EIF4E: variants seen among roughly 807,000 people sequenced by gnomAD.
EIF4E encodes the protein eIF-4F 25 kDa subunit.
For synonymous variants in EIF4E, 71 were observed against 88.5 expected (o/e 0.80, Z 1.11); for missense variants, 113 against 265.6 (o/e 0.43, Z 3.99).
At chr4:98,928,917 G>A in intron 1 of EIF4E, 178 bp downstream of exon 1, 1 of 1,568,110 alleles carries the variant, frequency 6.4e-7, no homozygotes, top group Non-Finnish European at 8.6e-7. Flanking sequence ...GCTACACGCC[G>A]CCTCGGCCAT....
Position 98,891,332 on chromosome 4 carries a change from T to A in EIF4E, c.126A>T (p.Arg42Ser), listed in dbSNP as rs775511040. Residue 42 changes from arginine to serine, a missense_variant and splice_region_variant, in exon 3 of 7, where the codon AGA (arginine) becomes AGT (serine). Transcript: ENST00000450253. Reference protein sequence around the residue: ...EHYIKHPLQNRWALWFFKNDK... With the variant: ...EHYIKHPLQNSWALWFFKNDK... ...CATTTTTAAAAAACCAGAGTGCCCA[T>A]CTAAAAATAAAAAATCAGTGTCAAA... 17 of 1,611,204 alleles carry A rather than the reference T, an allele frequency of 1.1e-5. No individual in the cohort carries two copies. Among genetic ancestry groups the A allele is most frequent in the African/African-American group, 4.0e-5 (3 of 74,824 alleles).
intron 2 of EIF4E, among the ~76,000 whole-genome samples, chr4:98,894,315 A>G (rs769260382): frequency 6.6e-6 from 1 of 152,246 alleles, no homozygotes; most frequent in Non-Finnish European, 1.5e-5. Flanking sequence ...CTTTGAAGCT[A>G]GGCAATGACT....
At chr4:98,928,904 T>C in intron 1 of EIF4E, 191 bp downstream of exon 1, 1 of 1,560,074 alleles carries the variant, frequency 6.4e-7, no homozygotes, top group East Asian at 2.4e-5. Flanking sequence ...CCAGAAAGTG[T>C]GCGCTACACG....
In EIF4E at chr4:98,891,010, A is replaced by G. The variant is rs1436560049; in HGVS notation, c.221+227T>C. 3 of 583,398 alleles carry G rather than the reference A, an allele frequency of 5.1e-6. No individual in the cohort carries two copies. The East Asian group carries it at 9.0e-5, about 18-fold the overall frequency. The allele number at this position is 583,398 out of a possible 1,614,324, so 36.1% of individuals were successfully genotyped here. ...GCAATAATGGATTCTTGAGCTAAGG[A>G]TATCTCAGGACAAGAAACAATAATT... On this transcript the variant is annotated intron_variant, in intron 3 of 6. Transcript: ENST00000450253.
At chr4:98,892,655 C>A in intron 2 of EIF4E, among the ~76,000 whole-genome samples, 3 of 140,132 alleles carry the variant, frequency 2.1e-5, no homozygotes, top group East Asian at 2.1e-4. Flanking sequence ...GCACTCCAGC[C>A]AGGGCAACAG....
chr4:98,917,083 A>AACAC (rs751653561), intron 1 of EIF4E, among the ~76,000 whole-genome samples: 1,782 of 102,886 alleles, frequency 0.017, 23 homozygotes, highest in Non-Finnish European at 0.023. Flanking sequence ...ACCTTTTCTA[A>AACAC]ACACACACAC....
chr4:98,884,908 A>G lies in EIF4E; in HGVS notation c.539+14T>C. The G allele has an allele frequency of 4.3e-6, 7 of 1,611,880 alleles. No homozygotes were observed. The highest frequency in any genetic ancestry group is 5.1e-6 in the Non-Finnish European group (6 of 1,179,646). Reference sequence around the variant, plus strand: ...TTAATACTGTAAAATAAGTAGGCAAAGAGCAAAACTTACCCTATATGTGTA... The same window carrying G: ...TTAATACTGTAAAATAAGTAGGCAAGGAGCAAAACTTACCCTATATGTGTA... On this transcript the variant is annotated intron_variant, in intron 6 of 6. Transcript: ENST00000450253.
At chr4:98,898,978 T>C (rs1724533064) in intron 2 of EIF4E, among the ~76,000 whole-genome samples, 1 of 151,792 alleles carries the variant, frequency 6.6e-6, no homozygotes, top group Admixed American at 6.6e-5. Context: ...TGTGGTAAAG[T>C]TTTCCTAAAA....
intron 1 of EIF4E, among the ~76,000 whole-genome samples, chr4:98,924,308 A>G (rs189999772): frequency 3.3e-5 from 5 of 151,982 alleles, no homozygotes; most frequent in African/African-American, 1.2e-4. Context: ...CAAACTACTG[A>G]CCTGGTGATC....
At chr4:98,897,694 A>G (rs756784704) in intron 2 of EIF4E, among the ~76,000 whole-genome samples, 4 of 152,226 alleles carry the variant, frequency 2.6e-5, no homozygotes, top group Non-Finnish European at 4.4e-5. Flanking sequence ...ACAAAATACA[A>G]TATTTAGGCA....
chr4:98,916,286 C>CA (rs11462325), intron 1 of EIF4E, among the ~76,000 whole-genome samples: 30,063 of 106,806 alleles, frequency 0.28, 5,188 homozygotes, highest in African/African-American at 0.52. Context: ...ATTCAGAGGA[C>CA]AAAAAAAAAA....
Position 98,899,883 on chromosome 4 carries a change from T to C in EIF4E, c.125+1993A>G, listed in dbSNP as rs193112038. Among the ~76,000 whole-genome samples, 905 of 152,074 alleles carry C rather than the reference T, an allele frequency of 6.0e-3. 2 individuals are homozygous for C. The highest frequency in any genetic ancestry group is 8.8e-3 in the Non-Finnish European group (596 of 67,942). ...GTAAATAATGAGAAAACTGCCAAAA[T>C]TGGAGCCATAAAACATAGTATTTTT... On this transcript the variant is annotated intron_variant, in intron 2 of 6. Coordinates refer to ENST00000450253, the MANE Select transcript of EIF4E (RefSeq NM_001968.5).
At chr4:98,882,912 TTTCTC>T (rs1490956646) in intron 6 of EIF4E, among the ~76,000 whole-genome samples, 3 of 152,194 alleles carry the variant, frequency 2.0e-5, no homozygotes, top group African/African-American at 7.2e-5. Flanking sequence ...AATCAACTCT[TTTCTC>T]TTATGGAACC....
At chr4:98,906,404 T>C (rs927117945) in intron 1 of EIF4E, among the ~76,000 whole-genome samples, 2 of 152,242 alleles carry the variant, frequency 1.3e-5, no homozygotes, top group African/African-American at 2.4e-5. Context: ...GTAAACACTT[T>C]GAAAATCTGT....
At chr4:98,893,878 C>T (rs1427372270) in intron 2 of EIF4E, among the ~76,000 whole-genome samples, 2 of 152,190 alleles carry the variant, frequency 1.3e-5, no homozygotes, top group South Asian at 2.1e-4. Flanking sequence ...GAATCACTAT[C>T]TACAGCATTT....
At position 98,912,520 on chromosome 4, in the gene EIF4E, G is replaced by A. The variant is rs1725196796; in HGVS notation, c.19-10538C>T. On this transcript the variant is annotated intron_variant, in intron 1 of 6. Transcript: ENST00000450253. The stretch of plus-strand genomic sequence containing the variant: ...GAACCAGGGAATCAGAGATTGCAGT[G>A]AGCTGAGATCGCACCACTGCACTCC... Among the ~76,000 whole-genome samples the A allele has an allele frequency of 2.6e-5, 4 of 151,810 alleles. No individual in the cohort carries two copies. The South Asian group carries it at 8.3e-4, about 32-fold the overall frequency.
chr4:98,929,011 G>A (rs757126736), intron 1 of EIF4E, 84 bp downstream of exon 1: 2 of 1,566,292 alleles, frequency 1.3e-6, no homozygotes, highest in South Asian at 1.2e-5. Flanking sequence ...TGCGCGCCGG[G>A]AACGCCGTCC....
intron 1 of EIF4E, chr4:98,909,843 A>G: frequency 5.9e-6 from 4 of 683,456 alleles, no homozygotes; most frequent in South Asian, 4.7e-5. Context: ...GGACAGGATC[A>G]GCCATGGTCC....
chr4:98,906,480 C>A (rs1191149895), intron 1 of EIF4E, among the ~76,000 whole-genome samples: 1 of 152,050 alleles, frequency 6.6e-6, no homozygotes, highest in Non-Finnish European at 1.5e-5. Flanking sequence ...GTATGCATGT[C>A]TTCATCTTTA....
Sources: gnomAD v4.1 joint callset for allele counts (sites outside exome capture counted in the v4.1 genomes callset) on GRCh38, gnomAD v4.1.1 for gene constraint, MANE v1.5 for transcripts, NCBI Gene and HGNC (gene_info 2026-07-23, HGNC 2026-07-21) for gene names.